The following SERPINI1 variants were observed in gnomAD, a reference collection of about 807,000 sequenced individuals.
SERPINI1 encodes serpin family I member 1.
Under a neutral mutation model 41.1 loss-of-function variants are expected in SERPINI1, and 19 were observed. That is an observed-to-expected ratio of 0.46 (90% CI 0.32 to 0.68). The LOEUF (loss-of-function observed/expected upper bound fraction) is 0.68. SERPINI1 is among the 30% of genes least tolerant of loss of function. The pLI is 0.03. For synonymous variants in SERPINI1, 138 were observed against 156.6 expected (o/e 0.88, Z 0.89); for missense variants, 460 against 479.2 (o/e 0.96, Z 0.37).
At chr3:167,738,173 G>T (rs2108527287) in intron 1 of SERPINI1, among the ~76,000 whole-genome samples, 1 of 152,076 alleles carries the variant, frequency 6.6e-6, no homozygotes, top group East Asian at 1.9e-4. Context: ...TACTTATTTT[G>T]CTCTTTAATT....
rs142161044 is a variant in SERPINI1 at position 167,772,195 on chromosome 3, A to G, written c.-18-16916A>G. Reference sequence around the variant, plus strand: ...GTTTGGTTCATTATACTGTTATTCCATCTCCACAGATCTATGAATGAATGA... The same window carrying G: ...GTTTGGTTCATTATACTGTTATTCCGTCTCCACAGATCTATGAATGAATGA... On this transcript the variant is annotated intron_variant, in intron 1 of 8. Coordinates refer to ENST00000446050, the MANE Select transcript of SERPINI1 (RefSeq NM_001122752.2). Among the ~76,000 whole-genome samples the G allele has an allele frequency of 4.0e-3, 612 of 152,284 alleles. 4 individuals are homozygous for G. Among genetic ancestry groups the G allele is most frequent in the African/African-American group, 0.011 (469 of 41,556 alleles).
chr3:167,772,789 A>T (rs535521962), intron 1 of SERPINI1, among the ~76,000 whole-genome samples: 15 of 142,352 alleles, frequency 1.1e-4, no homozygotes, highest in Non-Finnish European at 2.0e-4. Context: ...TTGCTTGAAT[A>T]GCCATTGTAT....
intron 4 of SERPINI1, among the ~76,000 whole-genome samples, chr3:167,793,838 ATGTGTGTGTG>A (rs56401913): frequency 1.1e-4 from 15 of 141,238 alleles, no homozygotes; most frequent in African/African-American, 2.7e-5. Context: ...GGCCATATGT[ATGTGTGTGTG>A]TGTGTGTGTG....
At chr3:167,751,058 C>T (rs774869715) in intron 1 of SERPINI1, among the ~76,000 whole-genome samples, 19 of 152,016 alleles carry the variant, frequency 1.2e-4, no homozygotes, top group Non-Finnish European at 2.1e-4. Flanking sequence ...AGAAAATCCA[C>T]GGCAAGCTTA....
chr3:167,746,030 T>C (rs7648843), intron 1 of SERPINI1, among the ~76,000 whole-genome samples: 84,899 of 151,964 alleles, frequency 0.56, 26,488 homozygotes, highest in African/African-American at 0.85. Flanking sequence ...TGTCAGCCAC[T>C]TTTTTTGCAG....
At chr3:167,762,415 T>G (rs569787954) in intron 1 of SERPINI1, among the ~76,000 whole-genome samples, 1 of 152,280 alleles carries the variant, frequency 6.6e-6, no homozygotes, top group African/African-American at 2.4e-5. Flanking sequence ...GACTACTCCC[T>G]TCTCCACCCA....
intron 1 of SERPINI1, among the ~76,000 whole-genome samples, chr3:167,769,228 G>A (rs950876852): frequency 6.6e-6 from 1 of 152,060 alleles, no homozygotes; most frequent in Admixed American, 6.6e-5. Context: ...TCTTGACCTT[G>A]TGATCCACCC....
rs567887937 is a variant in SERPINI1 at position 167,788,279 on chromosome 3, T to TC, written c.-18-831dup. On this transcript the variant is annotated intron_variant, in intron 1 of 8. Transcript: ENST00000446050. ...TCTGGGCACTGACGGTGCTTTTTTT[T>TC]CTCCAAGAGAAAATGTGGCCTTGAT... Among the ~76,000 whole-genome samples the TC allele has an allele frequency of 6.2e-4, 95 of 152,254 alleles. No homozygotes were observed. In the East Asian group the frequency reaches 0.015, roughly 23 times the overall value.
intron 1 of SERPINI1, among the ~76,000 whole-genome samples, chr3:167,782,328 G>A (rs1378571968): frequency 6.6e-6 from 1 of 152,090 alleles, no homozygotes; most frequent in Non-Finnish European, 1.5e-5. Context: ...CCAGTCATTG[G>A]TGACAATACC....
intron 1 of SERPINI1, among the ~76,000 whole-genome samples, chr3:167,772,011 A>C (rs1396229600): frequency 6.6e-6 from 1 of 152,220 alleles, no homozygotes; most frequent in Non-Finnish European, 1.5e-5. Flanking sequence ...CCTTCAGATG[A>C]AGGTTCAGAT....
intron 1 of SERPINI1, among the ~76,000 whole-genome samples, chr3:167,767,113 G>T (rs901835005): frequency 3.9e-5 from 6 of 152,180 alleles, no homozygotes; most frequent in Non-Finnish European, 8.8e-5. Context: ...AACTTCAAAG[G>T]ACAGGCTGAC....
chr3:167,759,878 T>TA (rs1296220437), intron 1 of SERPINI1, among the ~76,000 whole-genome samples: 1 of 152,240 alleles, frequency 6.6e-6, no homozygotes, highest in Non-Finnish European at 1.5e-5. Context: ...TTCTCACTCT[T>TA]AATCCAGTTT....
chr3:167,790,025 A>G (rs1367359635), intron 2 of SERPINI1, among the ~76,000 whole-genome samples: 2 of 152,198 alleles, frequency 1.3e-5, no homozygotes, highest in Non-Finnish European at 1.5e-5. Context: ...AATGTAAAGG[A>G]TGATCTTGAA....
At chr3:167,781,419 T>C (rs1727121003) in intron 1 of SERPINI1, among the ~76,000 whole-genome samples, 1 of 152,138 alleles carries the variant, frequency 6.6e-6, no homozygotes, top group Non-Finnish European at 1.5e-5. Context: ...ATGTAGTCAT[T>C]CTTTTGTATG....
intron 1 of SERPINI1, among the ~76,000 whole-genome samples, chr3:167,744,801 TA>T (rs397991599): frequency 3.9e-4 from 47 of 121,282 alleles, no homozygotes; most frequent in South Asian, 3.0e-3. Flanking sequence ...TATATATATA[TA>T]ATATATAAAT....
chr3:167,822,848 A>G lies in SERPINI1; in HGVS notation c.980-138A>G, dbSNP rs112653166. On this transcript the variant is annotated intron_variant, in intron 6 of 8. Transcript: ENST00000446050. ...CACATCTTCAATGGTTATCTCATTAATGAAATCTTTTAACATTATCTCCTA... is the reference window on the plus strand; with the variant it reads ...CACATCTTCAATGGTTATCTCATTAGTGAAATCTTTTAACATTATCTCCTA... The G allele has an allele frequency of 4.0e-4, 255 of 634,814 alleles. No individual in the cohort carries two copies. The African/African-American group carries it at 4.3e-3, about 11-fold the overall frequency. 39.3% of individuals were successfully genotyped at this position (634,814 alleles called of 1,614,324 possible).
intron 2 of SERPINI1, among the ~76,000 whole-genome samples, chr3:167,789,817 A>T (rs1396559256): frequency 4.6e-5 from 7 of 152,216 alleles, no homozygotes; most frequent in African/African-American, 1.7e-4. Context: ...ATTTTTTTTG[A>T]AGTGTTATCT....
At chr3:167,763,437 C>T (rs1473566044) in intron 1 of SERPINI1, among the ~76,000 whole-genome samples, 1 of 151,024 alleles carries the variant, frequency 6.6e-6, no homozygotes, top group East Asian at 2.0e-4. Flanking sequence ...TCAAGTGTAG[C>T]GGTGTGATCT....
At chr3:167,764,466 A>G (rs141553090) in intron 1 of SERPINI1, among the ~76,000 whole-genome samples, 50 of 152,260 alleles carry the variant, frequency 3.3e-4, no homozygotes, top group African/African-American at 1.2e-3. Flanking sequence ...ACACATGTTC[A>G]CTATCATGAG....
Sources: allele counts gnomAD v4.1 joint callset (sites outside exome capture counted in the v4.1 genomes callset), GRCh38; gene constraint gnomAD v4.1.1; transcripts MANE v1.5; gene names NCBI Gene and HGNC (gene_info 2026-07-23, HGNC 2026-07-21).